Variants in NCKAP5 observed in about 807,000 individuals in gnomAD.
The protein encoded by NCKAP5 is NCK associated protein 5.
A neutral mutation model predicts 167.0 loss-of-function variants in NCKAP5; 92 were observed. That is an observed-to-expected ratio of 0.55 (90% CI 0.47 to 0.66). The LOEUF (loss-of-function observed/expected upper bound fraction) is 0.66, where lower values mean the gene tolerates loss of function less well. Among genes scored for constraint, NCKAP5 ranks in the 30% least tolerant of loss-of-function variants. The probability of loss-of-function intolerance (pLI) is 0.00; values close to 1 mark genes in which losing one functional copy is unlikely to be tolerated. For synonymous variants in NCKAP5, 891 were observed against 877.4 expected (o/e 1.02, Z -0.27); for missense variants, 2,378 against 2,315.0 (o/e 1.03, Z -0.56).
At chr2:132,695,389 T>C (rs1270186495) in intron 19 of NCKAP5, among the ~76,000 whole-genome samples, 1 of 152,148 alleles carries the variant, frequency 6.6e-6, no homozygotes, top group South Asian at 2.1e-4. Context: ...GGTTCCACGA[T>C]GGGAAAAGCA....
intron 13 of NCKAP5, among the ~76,000 whole-genome samples, chr2:132,789,686 G>C (rs1683891511): frequency 6.6e-6 from 1 of 152,134 alleles, no homozygotes; most frequent in Admixed American, 6.5e-5. Context: ...GGTATCTCCA[G>C]CTTTGCGAGT....
At chr2:133,360,980 T>C (rs1685064638) in intron 3 of NCKAP5, among the ~76,000 whole-genome samples, 1 of 149,008 alleles carries the variant, frequency 6.7e-6, no homozygotes, top group Non-Finnish European at 1.5e-5. Context: ...AAGACTCACA[T>C]GATAGGTGCA....
intron 3 of NCKAP5, among the ~76,000 whole-genome samples, chr2:133,314,034 C>A (rs1681434749): frequency 6.6e-6 from 1 of 152,174 alleles, no homozygotes; most frequent in African/African-American, 2.4e-5. Flanking sequence ...CACGGACTGC[C>A]ATTTCATTCA....
chr2:133,331,631 C>T (rs1016871996), intron 3 of NCKAP5, among the ~76,000 whole-genome samples: 2 of 152,196 alleles, frequency 1.3e-5, no homozygotes, highest in African/African-American at 4.8e-5. Context: ...TACTTTTCCA[C>T]TTAAGGGCAT....
At chr2:132,823,843 T>C (rs1033479206) in intron 11 of NCKAP5, among the ~76,000 whole-genome samples, 8 of 151,942 alleles carry the variant, frequency 5.3e-5, no homozygotes, top group African/African-American at 1.9e-4. Flanking sequence ...CACATAAACC[T>C]AAGGGATGGG....
At chr2:133,432,866 T>C (rs1559481035) in intron 3 of NCKAP5, among the ~76,000 whole-genome samples, 1 of 152,244 alleles carries the variant, frequency 6.6e-6, no homozygotes, top group Non-Finnish European at 1.5e-5. Context: ...CTTTTATTTC[T>C]ACATTTCTGG....
At chr2:132,823,925 T>A (rs1686944056) in intron 11 of NCKAP5, among the ~76,000 whole-genome samples, 1 of 151,732 alleles carries the variant, frequency 6.6e-6, no homozygotes, top group Non-Finnish European at 1.5e-5. Context: ...GCAACAACAG[T>A]AAAAAAGACA....
chr2:133,471,191 G>A (rs1679264304), intron 3 of NCKAP5, among the ~76,000 whole-genome samples: 1 of 152,084 alleles, frequency 6.6e-6, no homozygotes, highest in African/African-American at 2.4e-5. Context: ...GTCCTCTCAG[G>A]TGGCATGCAC....
chr2:132,800,772 C>T (rs1428090374), intron 11 of NCKAP5, among the ~76,000 whole-genome samples: 1 of 152,186 alleles, frequency 6.6e-6, no homozygotes, highest in East Asian at 1.9e-4. Flanking sequence ...TGGACTGCCT[C>T]TCATTTTGGT....
At chr2:133,028,448 A>C (rs982247212) in intron 6 of NCKAP5, among the ~76,000 whole-genome samples, 3 of 152,150 alleles carry the variant, frequency 2.0e-5, no homozygotes, top group African/African-American at 7.2e-5. Context: ...TGTCACTTGT[A>C]TGCCACTGTT....
chr2:133,048,473 G>C (rs1197622317), intron 6 of NCKAP5, among the ~76,000 whole-genome samples: 1 of 152,122 alleles, frequency 6.6e-6, no homozygotes, highest in Non-Finnish European at 1.5e-5. Flanking sequence ...ATATATTTTA[G>C]CTGAAATCTT....
At chr2:133,282,764 C>A (rs1049773987) in intron 4 of NCKAP5, among the ~76,000 whole-genome samples, 1 of 152,156 alleles carries the variant, frequency 6.6e-6, no homozygotes, top group Non-Finnish European at 1.5e-5. Flanking sequence ...AGAGCTACGG[C>A]TACAAAGAAG....
intron 4 of NCKAP5, among the ~76,000 whole-genome samples, chr2:133,263,202 A>T (rs1277165264): frequency 6.6e-6 from 1 of 151,636 alleles, no homozygotes; most frequent in African/African-American, 2.4e-5. Flanking sequence ...CTAAACTAAA[A>T]TGCTGTAATA....
intron 3 of NCKAP5, among the ~76,000 whole-genome samples, chr2:133,315,115 T>C (rs187639120): frequency 3.9e-5 from 6 of 152,252 alleles, no homozygotes; most frequent in Admixed American, 3.9e-4. Flanking sequence ...GGGATTTGAT[T>C]TGAGGAGTCA....
At chr2:132,919,354 G>A (rs1481779844) in intron 8 of NCKAP5, among the ~76,000 whole-genome samples, 4 of 152,136 alleles carry the variant, frequency 2.6e-5, no homozygotes, top group Admixed American at 6.5e-5. Context: ...AGGTGGAGGC[G>A]CAGAGGCCCT....
chr2:132,938,215 C>T (rs1213069425), intron 8 of NCKAP5, among the ~76,000 whole-genome samples: 1 of 152,108 alleles, frequency 6.6e-6, no homozygotes, highest in South Asian at 2.1e-4. Flanking sequence ...CCTCTATTGG[C>T]CTGTCAGTCA....
intron 3 of NCKAP5, among the ~76,000 whole-genome samples, chr2:133,405,983 A>G (rs1011548096): frequency 2.1e-4 from 32 of 152,382 alleles, no homozygotes; most frequent in African/African-American, 7.7e-4. Flanking sequence ...AATTCAGGGG[A>G]ATAATTTACA....
chr2:132,965,526 G>C (rs2076632957), intron 7 of NCKAP5, among the ~76,000 whole-genome samples: 1 of 152,026 alleles, frequency 6.6e-6, no homozygotes, highest in Admixed American at 6.6e-5. Context: ...TCTGTATATA[G>C]TTTTTCATTC....
chr2:133,264,588 T>A (rs2089088347), intron 4 of NCKAP5, among the ~76,000 whole-genome samples: 1 of 152,204 alleles, frequency 6.6e-6, no homozygotes, highest in Admixed American at 6.5e-5. Flanking sequence ...CTCAGAAACA[T>A]CACATGGTTT....
Sources: gnomAD v4.1 joint callset for allele counts (sites outside exome capture counted in the v4.1 genomes callset) on GRCh38, gnomAD v4.1.1 for gene constraint, MANE v1.5 for transcripts, NCBI Gene and HGNC (gene_info 2026-07-23, HGNC 2026-07-21) for gene names.